LRMDA: variants seen among roughly 807,000 people sequenced by gnomAD.
The protein encoded by LRMDA is leucine-rich melanocyte differentiation-associated protein.
A neutral mutation model predicts 29.8 loss-of-function variants in LRMDA; 18 were observed. The observed-to-expected ratio is 0.60, with a 90% CI of 0.42 to 0.90. The LOEUF is 0.90. Among genes scored for constraint, LRMDA ranks in the 40% least tolerant of loss-of-function variants. The pLI, the probability that LRMDA is intolerant of heterozygous loss-of-function variation, is 0.00. For synonymous variants in LRMDA, 125 were observed against 109.4 expected (o/e 1.14, Z -0.89); for missense variants, 273 against 273.9 (o/e 1.00, Z 0.02).
chr10:76,306,381 A>G (rs1252020291), intron 5 of LRMDA, among the ~76,000 whole-genome samples: 1 of 152,216 alleles, frequency 6.6e-6, no homozygotes, highest in Non-Finnish European at 1.5e-5. Context: ...GTGCTGTTGA[A>G]TTGCTAAGCA....
At chr10:75,770,391 A>G (rs2132234353) in intron 2 of LRMDA, among the ~76,000 whole-genome samples, 1 of 152,376 alleles carries the variant, frequency 6.6e-6, no homozygotes, top group South Asian at 2.1e-4. Context: ...ACTGAACTGC[A>G]TACTTAAAAG....
At chr10:76,539,061 G>A (rs1029241765) in intron 6 of LRMDA, among the ~76,000 whole-genome samples, 10 of 151,888 alleles carry the variant, frequency 6.6e-5, no homozygotes, top group East Asian at 5.8e-4. Context: ...TTATAATAGC[G>A]TCTATTTTAA....
At chr10:76,124,535 T>A (rs1044798275) in intron 5 of LRMDA, among the ~76,000 whole-genome samples, 3 of 152,264 alleles carry the variant, frequency 2.0e-5, no homozygotes, top group African/African-American at 7.2e-5. Flanking sequence ...CAAATCAAAA[T>A]GCCTCTGGCA....
intron 6 of LRMDA, among the ~76,000 whole-genome samples, chr10:76,464,108 A>G (rs932697653): frequency 1.3e-5 from 2 of 151,766 alleles, no homozygotes; most frequent in East Asian, 3.9e-4. Flanking sequence ...TAGTAGAGAC[A>G]GGGTTTCTCC....
intron 5 of LRMDA, among the ~76,000 whole-genome samples, chr10:76,253,650 A>G (rs541069888): frequency 1.1e-4 from 16 of 152,240 alleles, no homozygotes; most frequent in Admixed American, 5.9e-4. Context: ...ATTTTTTACA[A>G]TTTTAGTGTC....
chr10:75,537,025 G>A (rs974098657), intron 2 of LRMDA, among the ~76,000 whole-genome samples: 1 of 152,188 alleles, frequency 6.6e-6, no homozygotes, highest in Non-Finnish European at 1.5e-5. Context: ...AATTGCCAGG[G>A]AGCACAGATG....
At chr10:75,707,262 A>T (rs11001477) in intron 2 of LRMDA, among the ~76,000 whole-genome samples, 14,907 of 152,200 alleles carry the variant, frequency 0.098, 802 homozygotes, top group Middle Eastern at 0.16. Flanking sequence ...ATGGGGAGAA[A>T]AGAGAATGGC....
chr10:76,152,827 C>G (rs1237222616), intron 5 of LRMDA, among the ~76,000 whole-genome samples: 1 of 150,168 alleles, frequency 6.7e-6, no homozygotes, highest in East Asian at 2.0e-4. Context: ...CTTTAAAAAA[C>G]TGTCTATTCA....
intron 5 of LRMDA, among the ~76,000 whole-genome samples, chr10:76,236,917 C>A (rs1340233720): frequency 6.6e-6 from 1 of 152,206 alleles, no homozygotes; most frequent in African/African-American, 2.4e-5. Context: ...CAAAGCTATG[C>A]TAACATCTAC....
chr10:75,911,812 C>T (rs775979703), intron 2 of LRMDA, among the ~76,000 whole-genome samples: 9 of 152,192 alleles, frequency 5.9e-5, no homozygotes, highest in Non-Finnish European at 1.2e-4. Context: ...TGAGTGCCTG[C>T]CACATGCCCA....
intron 2 of LRMDA, among the ~76,000 whole-genome samples, chr10:75,536,389 T>C (rs1839945705): frequency 6.6e-6 from 1 of 152,138 alleles, no homozygotes; most frequent in Non-Finnish European, 1.5e-5. Context: ...CTCCATCAAG[T>C]CCCAGCCTCT....
intron 2 of LRMDA, among the ~76,000 whole-genome samples, chr10:75,564,440 C>T (rs887198671): frequency 6.6e-6 from 1 of 152,202 alleles, no homozygotes; most frequent in Non-Finnish European, 1.5e-5. Flanking sequence ...GTCTTTCACC[C>T]CTTTCTTTGA....
intron 2 of LRMDA, among the ~76,000 whole-genome samples, chr10:75,924,288 A>T (rs1490456824): frequency 1.3e-5 from 2 of 152,194 alleles, no homozygotes; most frequent in Non-Finnish European, 2.9e-5. Flanking sequence ...TGTACCGAAA[A>T]ATTGGACGTG....
chr10:75,613,249 G>C (rs774277799), intron 2 of LRMDA, among the ~76,000 whole-genome samples: 13 of 152,044 alleles, frequency 8.6e-5, no homozygotes, highest in Non-Finnish European at 1.3e-4. Context: ...GCTGCCTTTG[G>C]AGTTTTAAAA....
At chr10:75,681,938 C>T (rs1402816601) in intron 2 of LRMDA, among the ~76,000 whole-genome samples, 3 of 152,202 alleles carry the variant, frequency 2.0e-5, no homozygotes, top group African/African-American at 7.2e-5. Flanking sequence ...GACTCAGCCT[C>T]TTGCCCATGA....
chr10:75,579,771 G>A (rs190202227), intron 2 of LRMDA, among the ~76,000 whole-genome samples: 44 of 152,272 alleles, frequency 2.9e-4, no homozygotes, highest in East Asian at 9.6e-4. Flanking sequence ...TTCAACATAC[G>A]TGAATCAATA....
chr10:75,496,765 G>T (rs949414042), intron 2 of LRMDA, among the ~76,000 whole-genome samples: 1 of 152,084 alleles, frequency 6.6e-6, no homozygotes, highest in African/African-American at 2.4e-5. Context: ...GCCTTTCTGG[G>T]CCATAGATCT....
At chr10:75,911,738 GAAAAT>G (rs1163563951) in intron 2 of LRMDA, among the ~76,000 whole-genome samples, 1 of 152,160 alleles carries the variant, frequency 6.6e-6, no homozygotes, top group Non-Finnish European at 1.5e-5. Context: ...GTGTCAGATA[GAAAAT>G]AAAATGTAGC....
intron 6 of LRMDA, among the ~76,000 whole-genome samples, chr10:76,367,675 C>T (rs772710149): frequency 4.6e-5 from 7 of 152,114 alleles, no homozygotes; most frequent in Non-Finnish European, 7.4e-5. Flanking sequence ...CCACCTGCCC[C>T]GATCTTAGGT....
Sources: gnomAD v4.1 joint callset for allele counts (sites outside exome capture counted in the v4.1 genomes callset) on GRCh38, gnomAD v4.1.1 for gene constraint, MANE v1.5 for transcripts, NCBI Gene and HGNC (gene_info 2026-07-23, HGNC 2026-07-21) for gene names.